C3orf22: variants seen among roughly 807,000 people sequenced by gnomAD.
The protein encoded by C3orf22 is chromosome 3 open reading frame 22, also known as uncharacterized protein C3orf22.
C3orf22 carries 7 observed loss-of-function variants against 10.8 expected under a neutral mutation model. That is an observed-to-expected ratio of 0.65 (90% CI 0.37 to 1.22). The LOEUF is 1.22. Ranked by LOEUF, C3orf22 falls within the 50% of genes most tolerant of loss-of-function variation. The pLI is 0.02. For missense variants in C3orf22, 173 were observed against 177.0 expected (o/e 0.98, Z 0.13); for synonymous variants, 79 against 78.9 (o/e 1.00, Z 0.00).
At chr3:126,555,878 T>C (rs562596734) in intron 1 of C3orf22, among the ~76,000 whole-genome samples, 54 of 152,302 alleles carry the variant, frequency 3.5e-4, no homozygotes, top group Non-Finnish European at 1.6e-4. Context: ...GGGAGGTCCC[T>C]TGATGGACAG....
intron 4 of C3orf22, among the ~76,000 whole-genome samples, chr3:126,532,606 C>G (rs2087598): frequency 0.037 from 5,675 of 152,310 alleles, 179 homozygotes; most frequent in Admixed American, 0.098. Context: ...GCTGAACTTT[C>G]AGTGCTATTT....
chr3:126,529,918 C>T (rs1241163583), intron 4 of C3orf22, among the ~76,000 whole-genome samples: 2 of 152,254 alleles, frequency 1.3e-5, no homozygotes, highest in Non-Finnish European at 2.9e-5. Flanking sequence ...GTCTGCTCCT[C>T]TGTCCCCTTG....
At chr3:126,549,557 G>A (rs1937133059), downstream of C3orf22, 1 of 953,000 alleles carries the variant, frequency 1.0e-6, no homozygotes, top group Non-Finnish European at 1.5e-6. Context: ...GTACATTTGG[G>A]ATAAAGTCCT....
At chr3:126,542,118 C>A in intron 4 of C3orf22, 4 of 1,577,202 alleles carry the variant, frequency 2.5e-6, no homozygotes, top group Non-Finnish European at 3.4e-6. Context: ...AACAAGCTCG[C>A]GCGCCCCTAC....
chr3:126,541,367 T>A (rs1470759053), intron 4 of C3orf22, among the ~76,000 whole-genome samples: 1 of 152,178 alleles, frequency 6.6e-6, no homozygotes, highest in Non-Finnish European at 1.5e-5. Flanking sequence ...CAGCGCTGCT[T>A]CTTATGCAGC....
chr3:126,531,943 A>G (rs555519946), intron 4 of C3orf22, among the ~76,000 whole-genome samples: 2 of 152,324 alleles, frequency 1.3e-5, no homozygotes, highest in East Asian at 1.9e-4. Flanking sequence ...GAGGGCTCCA[A>G]TTTCTCCACA....
chr3:126,537,709 G>C (rs940009818), intron 4 of C3orf22, among the ~76,000 whole-genome samples: 1 of 152,176 alleles, frequency 6.6e-6, no homozygotes, highest in Non-Finnish European at 1.5e-5. Flanking sequence ...GTGACCGTTG[G>C]GTGTCAACTC....
At chr3:126,545,541 C>T (rs1194958578), downstream of C3orf22, among the ~76,000 whole-genome samples, 1 of 152,208 alleles carries the variant, frequency 6.6e-6, no homozygotes, top group African/African-American at 2.4e-5. Context: ...AAAATAAATC[C>T]CTGGTTTCTC....
chr3:126,531,140 C>T (rs560642276), intron 4 of C3orf22, among the ~76,000 whole-genome samples: 34 of 152,380 alleles, frequency 2.2e-4, no homozygotes, highest in Middle Eastern at 3.4e-3. Flanking sequence ...TGTCAAAGCA[C>T]GCTCCCAGAC....
At chr3:126,542,780 C>A in intron 4 of C3orf22, 1 of 672,670 alleles carries the variant, frequency 1.5e-6, no homozygotes, top group Non-Finnish European at 2.2e-6. Context: ...GTGTGCCTGC[C>A]TCGGCCTGTC....
intron 5 of C3orf22, chr3:126,529,086 G>C (rs1936594553): frequency 5.4e-6 from 2 of 372,674 alleles, no homozygotes; most frequent in Non-Finnish European, 1.1e-5. Context: ...TGCTGGACTA[G>C]GGAGTCTGCA....
At chr3:126,531,117 C>T (rs943452346) in intron 4 of C3orf22, among the ~76,000 whole-genome samples, 4 of 152,296 alleles carry the variant, frequency 2.6e-5, no homozygotes, top group Admixed American at 6.5e-5. Flanking sequence ...AGGCACTGCG[C>T]TGGCGCAGCT....
intron 1 of C3orf22, among the ~76,000 whole-genome samples, chr3:126,554,966 A>G (rs1937292065): frequency 6.6e-6 from 1 of 152,228 alleles, no homozygotes; most frequent in Non-Finnish European, 1.5e-5. Context: ...CCGAGACGGC[A>G]GCTGCTGGCT....
chr3:126,542,494 C>G, intron 4 of C3orf22: 3 of 1,581,004 alleles, frequency 1.9e-6, no homozygotes, highest in Non-Finnish European at 1.7e-6. Context: ...TCAGCCCCTT[C>G]TACCAGCGGC....
chr3:126,556,915 GAC>G (rs752844020), intron 1 of C3orf22, among the ~76,000 whole-genome samples: 15 of 120,892 alleles, frequency 1.2e-4, no homozygotes, highest in African/African-American at 2.2e-4. Flanking sequence ...CACACACATA[GAC>G]ACACACAGAC....
chr3:126,553,503 C>A (rs1388842513), intron 1 of C3orf22, 73 bp from the exon 2 acceptor site: 1 of 1,017,880 alleles, frequency 9.8e-7, no homozygotes, highest in Non-Finnish European at 1.5e-6. Flanking sequence ...GAGTACCCAG[C>A]AGGGCTGGGG....
chr3:126,542,874 G>T (rs867732972), intron 4 of C3orf22: 1 of 295,660 alleles, frequency 3.4e-6, no homozygotes. Flanking sequence ...GATAACCAGG[G>T]TTTTAGGCTT....
At chr3:126,547,593 G>A (rs1937090310), downstream of C3orf22, among the ~76,000 whole-genome samples, 1 of 152,226 alleles carries the variant, frequency 6.6e-6, no homozygotes, top group Admixed American at 6.5e-5. Context: ...GAGTGGAAGA[G>A]CAGGCAGCCA....
intron 1 of C3orf22, among the ~76,000 whole-genome samples, chr3:126,553,860 G>A (rs904189149): frequency 1.1e-4 from 17 of 152,206 alleles, no homozygotes; most frequent in African/African-American, 3.6e-4. Context: ...CTGCTGCTGA[G>A]CACTGTTCTA....
Sources: allele counts gnomAD v4.1 joint callset (sites outside exome capture counted in the v4.1 genomes callset), GRCh38; gene constraint gnomAD v4.1.1; transcripts MANE v1.5; gene names NCBI Gene and HGNC (gene_info 2026-07-23, HGNC 2026-07-21).